The following APOOL variants were observed in gnomAD, a reference collection of about 807,000 sequenced individuals.
APOOL encodes MICOS complex subunit MIC27.
A neutral mutation model predicts 23.1 loss-of-function variants in APOOL; 12 were observed. The ratio of observed to expected loss-of-function variants is 0.52; its 90% CI spans 0.33 to 0.84. The LOEUF (loss-of-function observed/expected upper bound fraction) is 0.84, where lower values mean the gene tolerates loss of function less well. Ranked by LOEUF, APOOL falls within the 40% of genes least tolerant of loss-of-function variation. The pLI is 0.02. For synonymous variants in APOOL, 77 were observed against 69.9 expected (o/e 1.10, Z -0.51); for missense variants, 212 against 199.6 (o/e 1.06, Z -0.37).
intron 5 of APOOL, among the ~76,000 whole-genome samples, chrX:85,066,468 C>T (rs1241196415): frequency 9.0e-6 from 1 of 110,965 alleles, no homozygotes; most frequent in Non-Finnish European, 1.9e-5. Context: ...ATTGAAGTTC[C>T]TAGGGAGATT....
chrX:85,081,754 A>G (rs1924109506), intron 8 of APOOL, among the ~76,000 whole-genome samples: 1 of 111,404 alleles, frequency 9.0e-6, no homozygotes. Context: ...GTCTTTTCTC[A>G]TAGTCCCATA....
chrX:85,049,619 A>G (rs1017954564), intron 2 of APOOL, among the ~76,000 whole-genome samples: 1 of 110,468 alleles, frequency 9.1e-6, no homozygotes, highest in Non-Finnish European at 1.9e-5. Context: ...CCCCATCTCT[A>G]CAAAAAAAAT....
At chrX:85,046,317 G>A in intron 1 of APOOL, 129 bp from the exon 2 acceptor site, 2 of 491,085 alleles carry the variant, frequency 4.1e-6, no homozygotes, top group Non-Finnish European at 6.6e-6. Context: ...GAGGTAATTT[G>A]GAGTGTTTGA....
At chrX:85,073,672 A>G (rs1923741202) in intron 6 of APOOL, among the ~76,000 whole-genome samples, 1 of 110,659 alleles carries the variant, frequency 9.0e-6, no homozygotes, top group African/African-American at 3.3e-5. Context: ...ATATCAAATC[A>G]CCGTGTTATA....
At position 85,027,942 on chromosome X, in the gene APOOL, G is replaced by T. The variant is rs781049613; in HGVS notation, c.16-18504G>T. Among the ~76,000 whole-genome samples the T allele has an allele frequency of 2.7e-4, 30 of 111,987 alleles. No individual in the cohort carries two copies. The South Asian group carries it at 5.6e-3, about 21-fold the overall frequency. ...AGTTTGGGCTGTTGCAAATAAAGCT[G>T]CTACAAACAATTGTGTACAGGATTT... On this transcript the variant is annotated intron_variant, in intron 1 of 8. Coordinates refer to ENST00000373173, the MANE Select transcript of APOOL (RefSeq NM_198450.6).
rs972526218 is a variant in APOOL, at chrX:85,057,534, G to C, written c.394+1609G>C. On this transcript the variant is annotated intron_variant, in intron 5 of 8. Coordinates refer to ENST00000373173, the MANE Select transcript of APOOL (RefSeq NM_198450.6). ...ATATAATATATATATATGAGAGGAT[G>C]CTAGAATGTTCTTATTGTGTATATA... 1.6e-4 allele frequency among the ~76,000 whole-genome samples: 17 copies of C among 104,822 alleles called. 1 individual carries two copies. The Admixed American group carries it at 1.7e-3, about 11-fold the overall frequency. 91.0% of individuals were successfully genotyped at this position (104,822 alleles called of 115,157 possible).
intron 8 of APOOL, among the ~76,000 whole-genome samples, chrX:85,076,502 T>A (rs1459381482): frequency 9.0e-6 from 1 of 110,638 alleles, no homozygotes. Flanking sequence ...AGTTCTCACA[T>A]GGTTGTGAGG....
chrX:85,006,261 G>A (rs932873723), intron 1 of APOOL, among the ~76,000 whole-genome samples: 1 of 111,386 alleles, frequency 9.0e-6, no homozygotes, highest in African/African-American at 3.3e-5. Context: ...ACTTTGGCCA[G>A]ATGATTTACA....
chrX:85,050,818 GT>G (rs1436184126), intron 2 of APOOL, among the ~76,000 whole-genome samples: 7 of 109,851 alleles, frequency 6.4e-5, no homozygotes, highest in African/African-American at 2.0e-4. Context: ...AATCCTCTGT[GT>G]TTCCATTTCA....
chrX:85,073,391 C>T (rs780428039), intron 6 of APOOL, among the ~76,000 whole-genome samples: 38 of 110,981 alleles, frequency 3.4e-4, no homozygotes, highest in Non-Finnish European at 6.2e-4. Flanking sequence ...ATGAAAATAA[C>T]GGTAACTTTA....
chrX:85,070,198 G>A (rs757518876), intron 6 of APOOL, among the ~76,000 whole-genome samples: 50 of 111,431 alleles, frequency 4.5e-4, no homozygotes, highest in Middle Eastern at 4.6e-3. Flanking sequence ...AGAATGTCAG[G>A]TGAGAGCTTT....
rs1410166464 is a variant in APOOL at position 85,027,413 on chromosome X, G to A, written c.16-19033G>A. Among the ~76,000 whole-genome samples the A allele has an allele frequency of 9.9e-5, 11 of 111,139 alleles. No individual in the cohort carries two copies. The East Asian group carries it at 2.0e-3, about 20-fold the overall frequency. ...TAAATATCCAAACTATATAACGGAC[G>A]TTTTAGATAATATATTGGAGCAACT... On this transcript the variant is annotated intron_variant, in intron 1 of 8. Transcript: ENST00000373173.
intron 8 of APOOL, among the ~76,000 whole-genome samples, chrX:85,086,175 C>A (rs1924283443): frequency 9.0e-6 from 1 of 111,426 alleles, no homozygotes. Flanking sequence ...CATCAGTAAC[C>A]TTTGACACAG....
At chrX:85,078,942 T>G (rs1194906094) in intron 8 of APOOL, among the ~76,000 whole-genome samples, 3 of 112,091 alleles carry the variant, frequency 2.7e-5, no homozygotes, top group African/African-American at 9.7e-5. Flanking sequence ...ATTGATTTTG[T>G]ATCCTGAGAC....
intron 5 of APOOL, among the ~76,000 whole-genome samples, chrX:85,061,352 T>C (rs1923212053): frequency 9.0e-6 from 1 of 111,473 alleles, no homozygotes; most frequent in Non-Finnish European, 1.9e-5. Context: ...TGTTTTCCAT[T>C]GTGTCTCTGC....
Position 85,051,419 on chromosome X carries a change from T to G in APOOL, c.151T>G (p.Ser51Ala). 1 of 1,210,441 alleles carries G rather than the reference T, an allele frequency of 8.3e-7. No individual in the cohort carries two copies. Among genetic ancestry groups the G allele is most frequent in the Non-Finnish European group, 1.1e-6 (1 of 894,942 alleles). ...CATATATACTGCACCACCGCTCCAG[T>G]CTAAATATGTTGAAGAGCAGCCTGG... ...LPIYTAPPLQ[S>A]KYVEEQPGHL... Residue 51 changes from serine to alanine, a missense_variant, in exon 3 of 9, where the codon TCT (serine) becomes GCT (alanine). By Grantham distance (99) the Ser-to-Ala change is moderately conservative. Transcript: ENST00000373173.
At position 85,089,195 on chromosome X, in the gene APOOL, C is replaced by A. The variant is rs907790895; in HGVS notation, c.*1517C>A. The A allele has an allele frequency of 9.0e-6, 1 of 111,018 alleles. No homozygotes were observed. The highest frequency in any genetic ancestry group is 3.3e-5 in the African/African-American group (1 of 30,426). 9.1% of individuals were successfully genotyped at this position (111,018 alleles called of 1,213,427 possible). The stretch of plus-strand genomic sequence containing the variant: ...AAACACAGCTCACTGCAACCTCCAC[C>A]TCCCAGGATCAAGCAATCCTCCCAT... On this transcript the variant is annotated 3_prime_UTR_variant, in exon 9 of 9. Transcript: ENST00000373173.
intron 1 of APOOL, among the ~76,000 whole-genome samples, chrX:85,018,169 G>A (rs1921541455): frequency 8.9e-6 from 1 of 112,263 alleles, no homozygotes; most frequent in Admixed American, 9.4e-5. Context: ...TGCTATAAAG[G>A]AATACCTGAA....
intron 5 of APOOL, among the ~76,000 whole-genome samples, chrX:85,066,004 T>C (rs1335391146): frequency 9.0e-6 from 1 of 111,442 alleles, no homozygotes; most frequent in Non-Finnish European, 1.9e-5. Flanking sequence ...TAGACATGAC[T>C]ATAGAAAGCT....
Sources: allele counts gnomAD v4.1 joint callset (sites outside exome capture counted in the v4.1 genomes callset), GRCh38; gene constraint gnomAD v4.1.1; transcripts MANE v1.5; gene names NCBI Gene and HGNC (gene_info 2026-07-23, HGNC 2026-07-21).